The following ATP8A2 variants were observed in gnomAD, a reference collection of about 807,000 sequenced individuals.
ATP8A2 encodes the protein ATPase phospholipid transporting 8A2, also known as phospholipid-transporting ATPase IB.
A neutral mutation model predicts 165.6 loss-of-function variants in ATP8A2; 100 were observed. The observed-to-expected ratio is 0.60, with a 90% CI of 0.51 to 0.71. ATP8A2 has a LOEUF of 0.71. ATP8A2 is among the 30% of genes least tolerant of loss of function. The pLI is 0.00. For missense variants in ATP8A2, 1,227 were observed against 1,479.5 expected, an observed-to-expected ratio of 0.83 and a Z score of 2.80; for synonymous variants, 543 against 548.8, an observed-to-expected ratio of 0.99 and a Z score of 0.15.
intron 22 of ATP8A2, 96 bp downstream of exon 22, chr13:25,580,043 T>C: frequency 7.2e-7 from 1 of 1,383,962 alleles, no homozygotes; most frequent in Non-Finnish European, 9.9e-7. Flanking sequence ...TATGTAGGGA[T>C]GTTCTCTTTT....
At chr13:25,640,707 T>C (rs1301178509) in intron 24 of ATP8A2, among the ~76,000 whole-genome samples, 1 of 152,092 alleles carries the variant, frequency 6.6e-6, no homozygotes, top group African/African-American at 2.4e-5. Context: ...CCTTCTGAAA[T>C]GATTCCAATC....
intron 33 of ATP8A2, among the ~76,000 whole-genome samples, chr13:25,954,391 G>A (rs890136301): frequency 1.3e-5 from 2 of 152,180 alleles, no homozygotes; most frequent in Non-Finnish European, 1.5e-5. Flanking sequence ...CATCTCCCTG[G>A]GACAGAGCAC....
intron 33 of ATP8A2, among the ~76,000 whole-genome samples, chr13:25,935,972 T>C (rs913006): frequency 0.85 from 128,897 of 152,206 alleles, 54,832 homozygotes; most frequent in East Asian, 1. Flanking sequence ...TTTTGAATGT[T>C]ACCATAAACA....
intron 33 of ATP8A2, among the ~76,000 whole-genome samples, chr13:25,904,361 C>G (rs933743338): frequency 6.6e-6 from 1 of 152,204 alleles, no homozygotes. Flanking sequence ...TTTCCTAAAC[C>G]GTGGACATCA....
chr13:25,996,757 C>T lies in ATP8A2; in HGVS notation c.3378-15774C>T, dbSNP rs561462274. ...GGAGTGCAGTGGCACAATCTCAGCT[C>T]ACCGCAACCTCTACCTCCTGGGTTC... On this transcript the variant is annotated intron_variant, in intron 35 of 36. Transcript: ENST00000381655. Among the ~76,000 whole-genome samples the T allele has an allele frequency of 9.8e-5, 15 of 152,320 alleles. No homozygotes were observed. In the South Asian group the frequency reaches 3.1e-3, roughly 32 times the overall value.
intron 2 of ATP8A2, among the ~76,000 whole-genome samples, chr13:25,499,104 C>T (rs987941527): frequency 1.3e-5 from 2 of 152,196 alleles, no homozygotes; most frequent in African/African-American, 2.4e-5. Context: ...ATTCTCTATC[C>T]TGCGCCAATT....
At chr13:25,510,164 G>A (rs927061881) in intron 2 of ATP8A2, among the ~76,000 whole-genome samples, 4 of 142,178 alleles carry the variant, frequency 2.8e-5, no homozygotes, top group Admixed American at 7.4e-5. Context: ...GTCTGTTCCC[G>A]TCTGTCTGTA....
chr13:25,965,971 GT>G (rs1372236404), intron 34 of ATP8A2, among the ~76,000 whole-genome samples: 1 of 137,990 alleles, frequency 7.2e-6, no homozygotes, highest in East Asian at 2.3e-4. Flanking sequence ...AGAATTATAT[GT>G]TTCCTTTTGA....
chr13:25,812,874 A>G (rs1950913031), intron 27 of ATP8A2, among the ~76,000 whole-genome samples: 1 of 152,160 alleles, frequency 6.6e-6, no homozygotes, highest in Non-Finnish European at 1.5e-5. Flanking sequence ...TGTGGTACAT[A>G]TACACCATAG....
intron 1 of ATP8A2, among the ~76,000 whole-genome samples, chr13:25,427,509 T>C (rs565279216): frequency 3.6e-4 from 54 of 152,086 alleles, no homozygotes; most frequent in Non-Finnish European, 5.4e-4. Context: ...AAAATTGTCT[T>C]ACATGAAAGT....
chr13:25,593,210 A>C (rs1241603281), intron 24 of ATP8A2, among the ~76,000 whole-genome samples: 1 of 152,164 alleles, frequency 6.6e-6, no homozygotes, highest in South Asian at 2.1e-4. Context: ...TTTAAGTCTC[A>C]GGGCTCCAAT....
At chr13:26,013,750 G>A (rs1170733936) in intron 36 of ATP8A2, among the ~76,000 whole-genome samples, 1 of 152,190 alleles carries the variant, frequency 6.6e-6, no homozygotes, top group Non-Finnish European at 1.5e-5. Context: ...AGTACAGGCA[G>A]TGAAGGATCT....
At chr13:25,504,701 C>G (rs2137723123) in intron 2 of ATP8A2, among the ~76,000 whole-genome samples, 2 of 138,904 alleles carry the variant, frequency 1.4e-5, no homozygotes, top group Middle Eastern at 4.3e-3. Flanking sequence ...GATTGCGCCA[C>G]TGCAGTCCGC....
intron 7 of ATP8A2, among the ~76,000 whole-genome samples, chr13:25,539,243 C>T (rs561671521): frequency 6.6e-6 from 1 of 152,136 alleles, no homozygotes; most frequent in South Asian, 2.1e-4. Flanking sequence ...ACCACAGGTG[C>T]ATGCCACCAT....
intron 35 of ATP8A2, among the ~76,000 whole-genome samples, chr13:25,980,024 C>G (rs913034393): frequency 2.6e-5 from 4 of 152,092 alleles, no homozygotes; most frequent in African/African-American, 9.7e-5. Context: ...CCAGGGAAAA[C>G]CGTATGTATT....
At chr13:25,986,693 C>T (rs1214497412) in intron 35 of ATP8A2, among the ~76,000 whole-genome samples, 2 of 152,206 alleles carry the variant, frequency 1.3e-5, no homozygotes, top group Non-Finnish European at 2.9e-5. Flanking sequence ...CTTCAACATA[C>T]TGATGTTGTC....
At chr13:25,946,016 G>A (rs1170093066) in intron 33 of ATP8A2, among the ~76,000 whole-genome samples, 2 of 152,214 alleles carry the variant, frequency 1.3e-5, no homozygotes, top group Non-Finnish European at 2.9e-5. Flanking sequence ...TCATGTGAGA[G>A]TGGGAGCACA....
intron 24 of ATP8A2, among the ~76,000 whole-genome samples, chr13:25,656,862 G>T (rs1446869341): frequency 6.6e-6 from 1 of 151,544 alleles, no homozygotes; most frequent in Non-Finnish European, 1.5e-5. Flanking sequence ...AAACTAGCCT[G>T]GGTAACATGG....
At position 25,887,092 on chromosome 13, in the gene ATP8A2, G is replaced by A. The variant is rs549211599; in HGVS notation, c.3183+24684G>A. On this transcript the variant is annotated intron_variant, in intron 33 of 36. Coordinates refer to ENST00000381655, the MANE Select transcript of ATP8A2 (RefSeq NM_016529.6). ...ATTTATGGTGTTGGAGGTCAGGAGC[G>A]TGGGTATGCCTGGGTGGAACAGAGG... Among the ~76,000 whole-genome samples, 13 of 152,254 alleles carry A rather than the reference G, an allele frequency of 8.5e-5. No individual in the cohort carries two copies. The South Asian group carries it at 1.0e-3, about 12-fold the overall frequency.
Sources: gnomAD v4.1 joint callset for allele counts (sites outside exome capture counted in the v4.1 genomes callset) on GRCh38, gnomAD v4.1.1 for gene constraint, MANE v1.5 for transcripts, NCBI Gene and HGNC (gene_info 2026-07-23, HGNC 2026-07-21) for gene names.